The following SOX5 variants were observed in gnomAD, a reference collection of about 807,000 sequenced individuals.
SOX5 encodes the protein transcription factor SOX-5.
In SOX5, 9 loss-of-function variants were observed where a neutral mutation model predicts 92.0. The ratio of observed to expected loss-of-function variants is 0.10; its 90% CI spans 0.06 to 0.17. The LOEUF is 0.17. Among genes scored for constraint, SOX5 ranks in the 10% least tolerant of loss-of-function variants. SOX5 has a pLI of 1.00. For synonymous variants in SOX5, 344 were observed against 336.3 expected, an observed-to-expected ratio of 1.02 and a Z score of -0.25; for missense variants, 642 against 944.5, an observed-to-expected ratio of 0.68 and a Z score of 4.20.
intron 8 of SOX5, among the ~76,000 whole-genome samples, chr12:23,631,414 A>C (rs1291525511): frequency 2.6e-5 from 4 of 152,116 alleles, no homozygotes; most frequent in Non-Finnish European, 5.9e-5. Context: ...ATCCACAGCC[A>C]AAACTAGAAA....
chr12:24,238,500 T>G (rs1004511602), intron 3 of SOX5, among the ~76,000 whole-genome samples: 11 of 152,158 alleles, frequency 7.2e-5, no homozygotes, highest in African/African-American at 2.7e-4. Flanking sequence ...TAAAAGCACA[T>G]GCCGCCAATG....
chr12:24,270,432 T>C (rs984778741), intron 3 of SOX5, among the ~76,000 whole-genome samples: 1 of 152,220 alleles, frequency 6.6e-6, no homozygotes, highest in East Asian at 1.9e-4. Context: ...TAATTTATAC[T>C]ATTTGCCAGG....
chr12:24,517,180 C>T lies in SOX5; in HGVS notation c.-251+45149G>A, dbSNP rs971611438. 6.6e-5 allele frequency among the ~76,000 whole-genome samples: 10 copies of T among 152,282 alleles called. No homozygotes were observed. In the East Asian group the frequency reaches 1.7e-3, roughly 26 times the overall value. On this transcript the variant is annotated intron_variant, in intron 1 of 4. Coordinates refer to the SOX5 transcript ENST00000446891. The stretch of plus-strand genomic sequence containing the variant: ...AGCCAGCTGAAATGGTTGCAATATG[C>T]AATTCTATCCCCCTTTCCCTTGCTG...
intron 1 of SOX5, among the ~76,000 whole-genome samples, chr12:24,474,626 C>T (rs1001315496): frequency 3.9e-5 from 6 of 151,944 alleles, no homozygotes; most frequent in African/African-American, 1.2e-4. Context: ...ATGTTTGCCT[C>T]CCAGGTTCAA....
intron 3 of SOX5, among the ~76,000 whole-genome samples, chr12:23,806,479 C>T (rs2095773006): frequency 6.7e-6 from 1 of 150,308 alleles, no homozygotes; most frequent in African/African-American, 2.5e-5. Flanking sequence ...TTTACTCAAA[C>T]ATTTCTTTTG....
rs573446015 is a variant in SOX5 at position 23,645,692 on chromosome 12, CAT to C, written c.932-4797_932-4796del. Among the ~76,000 whole-genome samples the C allele has an allele frequency of 2.8e-4, 43 of 152,152 alleles. 1 individual carries two copies. The East Asian group carries it at 7.0e-3, about 25-fold the overall frequency. ...TTATTCCATAAAATTTAAAAATATG[CAT>C]ATGTTATAATCTTTTTATTTCCTAA... On this transcript the variant is annotated intron_variant, in intron 7 of 14. Transcript: ENST00000451604.
rs144784382 is a variant in SOX5 at position 24,443,230 on chromosome 12, G to A, written c.-250-74591C>T. On this transcript the variant is annotated intron_variant, in intron 1 of 4. Transcript: ENST00000446891. ...GGCCTTCCAAAGTGCTAGGATCACA[G>A]GCGTGAGCCACCACGCCCGGCCAGT... 2.6e-5 allele frequency among the ~76,000 whole-genome samples: 4 copies of A among 152,272 alleles called. No homozygotes were observed. In the East Asian group the frequency reaches 7.7e-4, roughly 29 times the overall value.
chr12:23,887,652 G>A (rs2097083278), intron 2 of SOX5, among the ~76,000 whole-genome samples: 1 of 151,894 alleles, frequency 6.6e-6, no homozygotes, highest in African/African-American at 2.4e-5. Flanking sequence ...ACCCAGATAA[G>A]GAAAGGAAAC....
At chr12:24,254,550 T>C (rs1427085408) in intron 3 of SOX5, among the ~76,000 whole-genome samples, 2 of 151,988 alleles carry the variant, frequency 1.3e-5, no homozygotes, top group East Asian at 1.9e-4. Context: ...GAATATTTCA[T>C]GTAATTTATT....
At chr12:23,965,230 C>T (rs1002597976) in intron 4 of SOX5, among the ~76,000 whole-genome samples, 4 of 152,170 alleles carry the variant, frequency 2.6e-5, no homozygotes, top group African/African-American at 4.8e-5. Context: ...ATTCATTGTC[C>T]GGAACAGGTG....
At chr12:24,474,144 A>C (rs1809008809) in intron 1 of SOX5, among the ~76,000 whole-genome samples, 1 of 152,242 alleles carries the variant, frequency 6.6e-6, no homozygotes, top group Admixed American at 6.5e-5. Flanking sequence ...AGAGAAAGTT[A>C]TCTGTTCTGA....
chr12:24,097,537 G>GTT (rs34336040), intron 4 of SOX5, among the ~76,000 whole-genome samples: 1,890 of 146,678 alleles, frequency 0.013, 45 homozygotes, highest in African/African-American at 0.045. Flanking sequence ...TCCATTTGAA[G>GTT]TTTTTTTTTT....
chr12:24,134,329 C>G (rs1949921761), intron 4 of SOX5, among the ~76,000 whole-genome samples: 1 of 152,124 alleles, frequency 6.6e-6, no homozygotes, highest in African/African-American at 2.4e-5. Flanking sequence ...ACAGAGAACA[C>G]TGTGTGTGAG....
At position 24,335,987 on chromosome 12, in the gene SOX5, A is replaced by ATATATATATATATC. The variant is rs1555235765; in HGVS notation, c.-174+32575_-174+32576insGATATATATATATA. 4.9e-4 allele frequency among the ~76,000 whole-genome samples: 66 copies of ATATATATATATATC among 134,358 alleles called. 4 individuals are homozygous for ATATATATATATATC. The East Asian group carries it at 0.019, about 39-fold the overall frequency. The allele number at this position is 134,358 out of a possible 152,430, so 88.1% of individuals were successfully genotyped here. ...GAAATGCTATCATATATATATATAT[A>ATATATATATATATC]TCCATAATATTAAATTTTTCTTGTT... On this transcript the variant is annotated intron_variant, in intron 2 of 4. Coordinates refer to the SOX5 transcript ENST00000446891.
intron 6 of SOX5, among the ~76,000 whole-genome samples, chr12:23,723,532 T>C (rs919065160): frequency 1.3e-5 from 2 of 148,358 alleles, no homozygotes; most frequent in African/African-American, 5.0e-5. Context: ...AAAAAGGTAT[T>C]CAGAACTAAA....
chr12:24,369,263 G>T (rs570893155), intron 1 of SOX5, among the ~76,000 whole-genome samples: 1 of 152,264 alleles, frequency 6.6e-6, no homozygotes, highest in East Asian at 1.9e-4. Context: ...TTGGCTGAAG[G>T]CTTTGGCCAC....
chr12:23,847,003 T>G (rs765859303), intron 2 of SOX5, among the ~76,000 whole-genome samples: 69 of 152,258 alleles, frequency 4.5e-4, no homozygotes, highest in Admixed American at 7.8e-4. Flanking sequence ...CTTTTTATAG[T>G]CTATTGTCAT....
chr12:23,592,543 C>T (rs1301822554), intron 9 of SOX5, among the ~76,000 whole-genome samples: 4 of 152,098 alleles, frequency 2.6e-5, no homozygotes, highest in Non-Finnish European at 5.9e-5. Context: ...CATGTTCTTC[C>T]CATTACAACC....
chr12:23,619,069 G>C (rs1804187477), intron 8 of SOX5, among the ~76,000 whole-genome samples: 1 of 152,088 alleles, frequency 6.6e-6, no homozygotes, highest in Non-Finnish European at 1.5e-5. Context: ...TTGTTTTGCT[G>C]TTATTACTAA....
Sources: gnomAD v4.1 joint callset for allele counts (sites outside exome capture counted in the v4.1 genomes callset) on GRCh38, gnomAD v4.1.1 for gene constraint, MANE v1.5 for transcripts, NCBI Gene and HGNC (gene_info 2026-07-23, HGNC 2026-07-21) for gene names.